Variants in PHACTR1 observed in about 807,000 individuals in gnomAD.
PHACTR1 encodes the protein RPEL repeat containing 1.
In PHACTR1, 16 loss-of-function variants were observed where a neutral mutation model predicts 69.2. The observed-to-expected ratio is 0.23, with a 90% confidence interval of 0.16 to 0.35. The LOEUF (loss-of-function observed/expected upper bound fraction) is 0.35, where lower values mean the gene tolerates loss of function less well. Ranked by LOEUF, PHACTR1 falls within the 10% of genes least tolerant of loss-of-function variation. The pLI, the probability that PHACTR1 is intolerant of heterozygous loss-of-function variation, is 1.00. For missense variants in PHACTR1, 510 were observed against 734.7 expected, an observed-to-expected ratio of 0.69 and a Z score of 3.54; for synonymous variants, 312 against 284.5, an observed-to-expected ratio of 1.10 and a Z score of -0.97.
chr6:12,786,505 C>A (rs1487064871), intron 4 of PHACTR1, among the ~76,000 whole-genome samples: 1 of 152,190 alleles, frequency 6.6e-6, no homozygotes, highest in Non-Finnish European at 1.5e-5. Context: ...ATTGAACTCT[C>A]TGAGTTTCTG....
At position 13,279,991 on chromosome 6, in the gene PHACTR1, G is replaced by T. The variant is rs188294324; in HGVS notation, c.1509+1662G>T. ...TCAAATTTTTCAGAATTGGTTGCTG[G>T]ATCCCCAAAATTCACCCAGTTTTAA... On this transcript the variant is annotated intron_variant, in intron 12 of 14. Coordinates refer to ENST00000332995, the MANE Select transcript of PHACTR1 (RefSeq NM_030948.6). 2.0e-5 allele frequency: 3 copies of T among 152,200 alleles called. No homozygotes were observed. The East Asian group carries it at 5.8e-4, about 29-fold the overall frequency. 9.4% of individuals were successfully genotyped at this position (152,200 alleles called of 1,614,324 possible). A position where few individuals can be genotyped will look rare whatever the true frequency, so the allele number is the denominator to read the frequency against.
At chr6:13,190,199 T>TTTTTTTTTTTTG (rs1554151108) in intron 7 of PHACTR1, among the ~76,000 whole-genome samples, 821 of 42,406 alleles carry the variant, frequency 0.019, 56 homozygotes, top group African/African-American at 0.086. Context: ...AATTTTTGTA[T>TTTTTTTTTTTTG]TTTTTTTTTT....
chr6:13,127,730 C>T (rs1176193604), intron 5 of PHACTR1, among the ~76,000 whole-genome samples: 1 of 152,164 alleles, frequency 6.6e-6, no homozygotes, highest in Non-Finnish European at 1.5e-5. Context: ...TCTGGATGCC[C>T]ATTTGATTCA....
intron 5 of PHACTR1, among the ~76,000 whole-genome samples, chr6:13,079,001 T>G (rs1209350699): frequency 6.6e-6 from 1 of 152,240 alleles, no homozygotes; most frequent in Non-Finnish European, 1.5e-5. Context: ...AACTTAATTT[T>G]TTTTCTTCTT....
At chr6:12,884,546 G>A (rs769843878) in intron 4 of PHACTR1, among the ~76,000 whole-genome samples, 2 of 151,964 alleles carry the variant, frequency 1.3e-5, no homozygotes, top group African/African-American at 2.4e-5. Flanking sequence ...GACCGCAGGC[G>A]CCTGCCACCA....
intron 4 of PHACTR1, among the ~76,000 whole-genome samples, chr6:12,842,739 T>A (rs952266018): frequency 3.3e-5 from 5 of 151,894 alleles, no homozygotes; most frequent in African/African-American, 7.3e-5. Context: ...AGAGACAGGG[T>A]CTCACTCTGT....
At chr6:13,002,073 C>A (rs1798158017) in intron 4 of PHACTR1, among the ~76,000 whole-genome samples, 1 of 152,192 alleles carries the variant, frequency 6.6e-6, no homozygotes, top group Admixed American at 6.5e-5. Flanking sequence ...TAACACTGAA[C>A]TATGCATTTA....
intron 4 of PHACTR1, among the ~76,000 whole-genome samples, chr6:12,763,721 C>T (rs1768293285): frequency 6.6e-6 from 1 of 152,166 alleles, no homozygotes; most frequent in African/African-American, 2.4e-5. Flanking sequence ...AAGCTGTAAA[C>T]AGCCCCTTTA....
chr6:13,216,946 T>G (rs757080990), intron 8 of PHACTR1, among the ~76,000 whole-genome samples: 4 of 152,210 alleles, frequency 2.6e-5, no homozygotes, highest in Non-Finnish European at 4.4e-5. Context: ...AAGTGTATTT[T>G]CAAAAGAAAG....
At position 12,854,555 on chromosome 6, in the gene PHACTR1, GCCTCA is replaced by G. The variant is rs1353178904; in HGVS notation, c.250+104766_250+104770del. 3.2e-3 allele frequency among the ~76,000 whole-genome samples: 3 copies of G among 928 alleles called. No individual in the cohort carries two copies. In the East Asian group the frequency reaches 0.25, roughly 77 times the overall value. The allele number at this position is 928 out of a possible 152,430, so 0.6% of individuals were successfully genotyped here. On this transcript the variant is annotated intron_variant, in intron 4 of 14. Transcript: ENST00000332995. ...ACCTAATTCTTAAAAACTTTGCTCA[GCCTCA>G]GCTTCTACACAGCCAAAGAAACTCA...
chr6:13,133,394 T>C (rs980946298), intron 5 of PHACTR1, among the ~76,000 whole-genome samples: 1 of 151,518 alleles, frequency 6.6e-6, no homozygotes, highest in Non-Finnish European at 1.5e-5. Context: ...ACCCTCCCTG[T>C]CTGATTCTCC....
At chr6:12,794,308 G>A (rs754135990) in intron 4 of PHACTR1, among the ~76,000 whole-genome samples, 1 of 152,252 alleles carries the variant, frequency 6.6e-6, no homozygotes, top group Non-Finnish European at 1.5e-5. Flanking sequence ...TACTGCTGAA[G>A]TGTTAAGGGT....
At chr6:12,931,089 C>T (rs185713409) in intron 4 of PHACTR1, among the ~76,000 whole-genome samples, 15 of 150,974 alleles carry the variant, frequency 9.9e-5, no homozygotes, top group East Asian at 3.9e-4. Flanking sequence ...AAAGGCTAAG[C>T]GTCTATAACA....
At chr6:13,202,033 A>C (rs1429017552) in intron 7 of PHACTR1, among the ~76,000 whole-genome samples, 2 of 152,254 alleles carry the variant, frequency 1.3e-5, no homozygotes, top group Non-Finnish European at 2.9e-5. Context: ...CACAATGACC[A>C]GAAAGGAGAT....
At chr6:12,817,200 G>A (rs1456524850) in intron 4 of PHACTR1, among the ~76,000 whole-genome samples, 1 of 152,170 alleles carries the variant, frequency 6.6e-6, no homozygotes, top group African/African-American at 2.4e-5. Context: ...TTTGGGGAGA[G>A]TGGACTTTTT....
intron 4 of PHACTR1, among the ~76,000 whole-genome samples, chr6:12,948,756 A>T (rs749079960): frequency 6.6e-6 from 1 of 152,192 alleles, no homozygotes; most frequent in Non-Finnish European, 1.5e-5. Flanking sequence ...TGTGTTCATC[A>T]TCTACATTTC....
At chr6:13,066,142 A>G (rs1808586347) in intron 5 of PHACTR1, among the ~76,000 whole-genome samples, 1 of 152,160 alleles carries the variant, frequency 6.6e-6, no homozygotes, top group Non-Finnish European at 1.5e-5. Context: ...CTAGGGCTGG[A>G]TAAAAGATGT....
At position 13,093,522 on chromosome 6, in the gene PHACTR1, TCA is replaced by T. The variant is rs5874401; in HGVS notation, c.415+39996_415+39997del. Among the ~76,000 whole-genome samples, 288 of 152,326 alleles carry T rather than the reference TCA, an allele frequency of 1.9e-3. 7 individuals are homozygous for T. The East Asian group carries it at 0.05, about 26-fold the overall frequency. ...CTACTCTAACACTGGGTCAGCAAAA[TCA>T]CAGTTGTATTACACATTTCAGGCCA... On this transcript the variant is annotated intron_variant, in intron 5 of 14. Coordinates refer to ENST00000332995, the MANE Select transcript of PHACTR1 (RefSeq NM_030948.6).
intron 5 of PHACTR1, among the ~76,000 whole-genome samples, chr6:13,119,215 A>G (rs1021802073): frequency 2.0e-5 from 3 of 152,218 alleles, no homozygotes; most frequent in Non-Finnish European, 4.4e-5. Context: ...CTTCTCTTCC[A>G]GAACAATACC....
Sources: allele counts gnomAD v4.1 joint callset (sites outside exome capture counted in the v4.1 genomes callset), GRCh38; gene constraint gnomAD v4.1.1; transcripts MANE v1.5; gene names NCBI Gene and HGNC (gene_info 2026-07-23, HGNC 2026-07-21).